The following C12orf42 variants were observed in gnomAD, a reference collection of about 807,000 sequenced individuals.
C12orf42 encodes chromosome 12 open reading frame 42, also known as uncharacterized protein C12orf42.
A neutral mutation model predicts 21.6 loss-of-function variants in C12orf42; 25 were observed. That is an observed-to-expected ratio of 1.16 (90% CI 0.84 to 1.62). The LOEUF (loss-of-function observed/expected upper bound fraction) is 1.62, where lower values mean the gene tolerates loss of function less well. Ranked by LOEUF, C12orf42 falls within the 40% of genes most tolerant of loss-of-function variation. The probability of loss-of-function intolerance (pLI) is 0.00; values close to 1 mark genes in which losing one functional copy is unlikely to be tolerated. For synonymous variants in C12orf42, 174 were observed against 175.0 expected, an observed-to-expected ratio of 0.99 and a Z score of 0.05; for missense variants, 483 against 459.3, an observed-to-expected ratio of 1.05 and a Z score of -0.47.
chr12:103,171,931 G>A, the C12orf42 span, among the ~76,000 whole-genome samples: 1 of 152,130 alleles, frequency 6.6e-6, no homozygotes, highest in Non-Finnish European at 1.5e-5. Context: ...AACACAGGGA[G>A]AAAATGTAAA....
At chr12:103,088,095 G>A in the C12orf42 span, among the ~76,000 whole-genome samples, 2 of 152,038 alleles carry the variant, frequency 1.3e-5, no homozygotes, top group African/African-American at 4.8e-5. Context: ...AAAGCAACTG[G>A]GATAGAACTT....
chr12:103,232,081 G>C, the C12orf42 span, among the ~76,000 whole-genome samples: 3 of 152,092 alleles, frequency 2.0e-5, no homozygotes, highest in African/African-American at 7.2e-5. Flanking sequence ...CTTTTCATAT[G>C]CTCATTTGCC....
the C12orf42 span, among the ~76,000 whole-genome samples, chr12:103,123,831 C>CCAT: frequency 4.6e-5 from 7 of 151,826 alleles, no homozygotes; most frequent in East Asian, 1.4e-3. Context: ...AAAAGATTAA[C>CCAT]CATCAGAGAT....
the C12orf42 span, among the ~76,000 whole-genome samples, chr12:103,506,889 A>T: frequency 2.0e-4 from 8 of 39,930 alleles, no homozygotes; most frequent in African/African-American, 3.8e-4. Context: ...TTATATATTA[A>T]ATATATATTT....
chr12:103,183,266 G>C, the C12orf42 span, among the ~76,000 whole-genome samples: 18 of 152,208 alleles, frequency 1.2e-4, no homozygotes, highest in Admixed American at 3.9e-4. Context: ...ATTTTTAGTA[G>C]AGGTGGGGTT....
chr12:103,409,717 T>A (rs1007430996), intron 2 of C12orf42, among the ~76,000 whole-genome samples: 2 of 152,256 alleles, frequency 1.3e-5, no homozygotes, highest in Non-Finnish European at 1.5e-5. Flanking sequence ...ATAAATAAGA[T>A]TTTTTCCCTA....
chr12:103,109,847 TAACA>T, the C12orf42 span, among the ~76,000 whole-genome samples: 1 of 152,048 alleles, frequency 6.6e-6, no homozygotes, highest in Non-Finnish European at 1.5e-5. Context: ...GTTAATTAAG[TAACA>T]AACAATTCCT....
the C12orf42 span, among the ~76,000 whole-genome samples, chr12:103,231,133 T>G: frequency 6.6e-6 from 1 of 152,246 alleles, no homozygotes; most frequent in Non-Finnish European, 1.5e-5. Context: ...TGACATATAA[T>G]GTTTTCGATG....
the C12orf42 span, among the ~76,000 whole-genome samples, chr12:103,136,771 A>G: frequency 3.9e-5 from 6 of 152,320 alleles, no homozygotes; most frequent in East Asian, 1.2e-3. Context: ...TCAACCTCAT[A>G]CATTGGGGAA....
At chr12:103,196,083 C>G in the C12orf42 span, among the ~76,000 whole-genome samples, 2 of 152,010 alleles carry the variant, frequency 1.3e-5, no homozygotes, top group African/African-American at 4.8e-5. Flanking sequence ...TATAAACTTT[C>G]CTTTTAACAC....
chr12:103,446,394 CAA>C (rs892893225), intron 2 of C12orf42, among the ~76,000 whole-genome samples: 4 of 151,880 alleles, frequency 2.6e-5, no homozygotes, highest in African/African-American at 7.3e-5. Flanking sequence ...TGAAATACAC[CAA>C]AATAGAACCT....
chr12:103,505,639 C>A, the C12orf42 span: 1 of 262,860 alleles, frequency 3.8e-6, no homozygotes, highest in Non-Finnish European at 7.2e-6. Flanking sequence ...CCCAAGTTAG[C>A]ACTGCCCAGG....
At chr12:103,388,170 A>AG (rs998205518) in intron 3 of C12orf42, among the ~76,000 whole-genome samples, 3 of 152,106 alleles carry the variant, frequency 2.0e-5, no homozygotes, top group Non-Finnish European at 2.9e-5. Context: ...GTGCCAGAGA[A>AG]GGGGGGGTGA....
chr12:103,174,177 T>C, the C12orf42 span, among the ~76,000 whole-genome samples: 6 of 152,220 alleles, frequency 3.9e-5, no homozygotes, highest in Non-Finnish European at 7.4e-5. Flanking sequence ...TCCTATTAAG[T>C]CATTATTATG....
At chr12:103,322,505 C>A (rs2040279007) in intron 4 of C12orf42, among the ~76,000 whole-genome samples, 1 of 152,178 alleles carries the variant, frequency 6.6e-6, no homozygotes, top group Non-Finnish European at 1.5e-5. Flanking sequence ...GAATGAGAGG[C>A]ACAGATGGAG....
chr12:103,101,228 G>T, the C12orf42 span, among the ~76,000 whole-genome samples: 2 of 152,158 alleles, frequency 1.3e-5, no homozygotes, highest in Non-Finnish European at 2.9e-5. Flanking sequence ...TGGGTAGAAT[G>T]GTCCACTAGC....
the C12orf42 span, among the ~76,000 whole-genome samples, chr12:103,097,139 T>C: frequency 1.4e-4 from 21 of 152,360 alleles, no homozygotes; most frequent in East Asian, 1.5e-3. Context: ...ATCTCAGATA[T>C]ATATTGAAAA....
chr12:103,429,290 T>G (rs1220225438), intron 2 of C12orf42, among the ~76,000 whole-genome samples: 1 of 152,208 alleles, frequency 6.6e-6, no homozygotes, highest in Admixed American at 6.5e-5. Context: ...ACAAAATCAA[T>G]GTGCAAAAAT....
At chr12:103,223,196 G>C in the C12orf42 span, among the ~76,000 whole-genome samples, 1 of 152,056 alleles carries the variant, frequency 6.6e-6, no homozygotes, top group South Asian at 2.1e-4. Flanking sequence ...GAAAATTTTT[G>C]GGGGGTGGTA....
Sources: gnomAD v4.1 joint callset for allele counts (sites outside exome capture counted in the v4.1 genomes callset) on GRCh38, gnomAD v4.1.1 for gene constraint, MANE v1.5 for transcripts, NCBI Gene and HGNC (gene_info 2026-07-23, HGNC 2026-07-21) for gene names.